Variants in ST6GAL2 observed in about 807,000 individuals in gnomAD.
The protein encoded by ST6GAL2 is beta-galactoside alpha-2,6-sialyltransferase 2.
A neutral mutation model predicts 37.5 loss-of-function variants in ST6GAL2; 24 were observed. The ratio of observed to expected loss-of-function variants is 0.64; its 90% CI spans 0.46 to 0.90. ST6GAL2 has a LOEUF of 0.90. Among genes scored for constraint, ST6GAL2 ranks in the 40% least tolerant of loss-of-function variants. The pLI, the probability that ST6GAL2 is intolerant of heterozygous loss-of-function variation, is 0.00. For missense variants in ST6GAL2, 715 were observed against 712.7 expected, an observed-to-expected ratio of 1.00 and a Z score of -0.04; for synonymous variants, 306 against 295.1, an observed-to-expected ratio of 1.04 and a Z score of -0.38.
intron 2 of ST6GAL2, among the ~76,000 whole-genome samples, chr2:106,836,699 G>T (rs1676652195): frequency 6.7e-6 from 1 of 149,762 alleles, no homozygotes; most frequent in Non-Finnish European, 1.5e-5. Context: ...AGGAACAGGT[G>T]GGCGGATCAT....
chr2:106,817,790 T>C (rs565115590), intron 5 of ST6GAL2, among the ~76,000 whole-genome samples: 8 of 152,174 alleles, frequency 5.3e-5, no homozygotes, highest in Non-Finnish European at 1.2e-4. Flanking sequence ...ATTCCAGGCG[T>C]TGGCTCTCAC....
At chr2:106,809,039 TAAAC>T (rs1488737564) in intron 5 of ST6GAL2, among the ~76,000 whole-genome samples, 1 of 152,138 alleles carries the variant, frequency 6.6e-6, no homozygotes, top group African/African-American at 2.4e-5. Flanking sequence ...AAAAAAACCT[TAAAC>T]AAACAAGAAG....
At chr2:106,870,889 G>A (rs1678235613) in intron 1 of ST6GAL2, among the ~76,000 whole-genome samples, 1 of 152,052 alleles carries the variant, frequency 6.6e-6, no homozygotes, top group Non-Finnish European at 1.5e-5. Flanking sequence ...GGGTGTGCGG[G>A]GATCTAAGAT....
intron 5 of ST6GAL2, among the ~76,000 whole-genome samples, chr2:106,809,497 G>C (rs1318352386): frequency 6.6e-6 from 1 of 152,202 alleles, no homozygotes; most frequent in Non-Finnish European, 1.5e-5. Flanking sequence ...TCTTAAACTG[G>C]ATGGTTTTCA....
intron 2 of ST6GAL2, among the ~76,000 whole-genome samples, chr2:106,836,408 G>A (rs1676639364): frequency 1.3e-5 from 2 of 152,052 alleles, no homozygotes; most frequent in East Asian, 3.8e-4. Context: ...CTTAGGGTTG[G>A]TTACAATTTG....
At chr2:106,844,698 C>G (rs1001760808) in intron 1 of ST6GAL2, among the ~76,000 whole-genome samples, 2 of 152,176 alleles carry the variant, frequency 1.3e-5, no homozygotes, top group African/African-American at 4.8e-5. Flanking sequence ...CAAGACTACC[C>G]TCCTACTTCA....
intron 5 of ST6GAL2, among the ~76,000 whole-genome samples, chr2:106,809,569 G>A (rs1282806947): frequency 2.0e-5 from 3 of 152,174 alleles, no homozygotes; most frequent in East Asian, 3.9e-4. Flanking sequence ...CCATAAAGCA[G>A]TAGTCCTCAA....
intron 1 of ST6GAL2, among the ~76,000 whole-genome samples, chr2:106,871,381 G>C (rs1452204387): frequency 6.6e-6 from 1 of 152,076 alleles, no homozygotes; most frequent in Non-Finnish European, 1.5e-5. Context: ...CTTAGGCAAA[G>C]TGTAAGTTTA....
intron 5 of ST6GAL2, among the ~76,000 whole-genome samples, chr2:106,824,196 T>C (rs1676115575): frequency 6.6e-6 from 1 of 152,248 alleles, no homozygotes; most frequent in African/African-American, 2.4e-5. Context: ...GAAAAGGATT[T>C]ACAGTTCACA....
At chr2:106,827,683 C>G (rs1403993865) in intron 5 of ST6GAL2, among the ~76,000 whole-genome samples, 1 of 152,200 alleles carries the variant, frequency 6.6e-6, no homozygotes, top group Non-Finnish European at 1.5e-5. Context: ...ATTGTTCTCT[C>G]TCTGCACTGT....
chr2:106,835,242 G>A (rs1676587990), intron 2 of ST6GAL2, among the ~76,000 whole-genome samples: 1 of 152,192 alleles, frequency 6.6e-6, no homozygotes, highest in South Asian at 2.1e-4. Context: ...GCCTGTCTGT[G>A]AGGGAGAGGT....
Position 106,830,161 on chromosome 2 carries a change from AT to A in ST6GAL2, c.1222del (p.Ile408PhefsTer36). On this transcript the variant is annotated frameshift_variant, in exon 5 of 6. Coordinates refer to ENST00000409382, the MANE Select transcript of ST6GAL2 (RefSeq NM_001142351.2). LOFTEE classifies it high-confidence loss of function. The stretch of plus-strand genomic sequence containing the variant: ...CTGCCATATAAATTTAGGATGAAGA[AT>A]GTAAAATGGCTGATTTGGGTTTCTC... ...RQRNPNQPFY[I>X]LHPKFIWQLW... is the part of the protein sequence containing the mutation. 1 of 1,614,014 alleles carries A rather than the reference AT, an allele frequency of 6.2e-7. No individual in the cohort carries two copies. Among genetic ancestry groups the A allele is most frequent in the Non-Finnish European group, 8.5e-7 (1 of 1,179,964 alleles).
intron 1 of ST6GAL2, among the ~76,000 whole-genome samples, chr2:106,846,075 C>A (rs1677133475): frequency 6.6e-6 from 1 of 151,812 alleles, no homozygotes; most frequent in African/African-American, 2.4e-5. Flanking sequence ...GCCCAGGCAC[C>A]AAATGTGAAG....
chr2:106,849,440 C>G (rs1485716569), intron 1 of ST6GAL2, among the ~76,000 whole-genome samples: 1 of 152,168 alleles, frequency 6.6e-6, no homozygotes, highest in Non-Finnish European at 1.5e-5. Flanking sequence ...AAATTCCAAC[C>G]TGACTCTGGT....
At chr2:106,884,428 G>C (rs1278763953) in intron 1 of ST6GAL2, among the ~76,000 whole-genome samples, 1 of 152,014 alleles carries the variant, frequency 6.6e-6, no homozygotes, top group Non-Finnish European at 1.5e-5. Context: ...GCACCACATA[G>C]CAAACTCACC....
chr2:106,849,659 C>G (rs1282802056), intron 1 of ST6GAL2, among the ~76,000 whole-genome samples: 1 of 152,100 alleles, frequency 6.6e-6, no homozygotes, highest in Non-Finnish European at 1.5e-5. Flanking sequence ...AGTGTAACAC[C>G]TTTAAGTTCC....
chr2:106,806,955 A>C lies in ST6GAL2; in HGVS notation c.1319-6T>G. The C allele has an allele frequency of 1.2e-6, 2 of 1,602,394 alleles. No individual in the cohort carries two copies. Among genetic ancestry groups the C allele is most frequent in the Non-Finnish European group, 1.7e-6 (2 of 1,171,444 alleles). On this transcript the variant is annotated splice_polypyrimidine_tract_variant and splice_region_variant and intron_variant, in intron 5 of 5. Coordinates refer to ENST00000409382, the MANE Select transcript of ST6GAL2 (RefSeq NM_001142351.2). ...GGACATCATTATGAGGATTCCTGAC[A>C]TGAAAACCAAAAATTAGAACCTAAT...
intron 1 of ST6GAL2, among the ~76,000 whole-genome samples, chr2:106,874,023 A>C (rs1239543529): frequency 6.6e-6 from 1 of 152,228 alleles, no homozygotes; most frequent in African/African-American, 2.4e-5. Context: ...TCAGTCTAAT[A>C]GGACTCTTAG....
At chr2:106,818,053 T>C (rs1675870963) in intron 5 of ST6GAL2, among the ~76,000 whole-genome samples, 1 of 152,130 alleles carries the variant, frequency 6.6e-6, no homozygotes, top group South Asian at 2.1e-4. Context: ...TCAGCTGCAC[T>C]AAATACAATA....
Sources: gnomAD v4.1 joint callset for allele counts (sites outside exome capture counted in the v4.1 genomes callset) on GRCh38, gnomAD v4.1.1 for gene constraint, MANE v1.5 for transcripts, NCBI Gene and HGNC (gene_info 2026-07-23, HGNC 2026-07-21) for gene names.